The following GSAP variants were observed in gnomAD, a reference collection of about 807,000 sequenced individuals.
GSAP encodes gamma-secretase activating protein.
In GSAP, 118 loss-of-function variants were observed where a neutral mutation model predicts 131.7. The ratio of observed to expected loss-of-function variants is 0.90; its 90% CI spans 0.77 to 1.04. The LOEUF (loss-of-function observed/expected upper bound fraction) is 1.04. Ranked by LOEUF, GSAP falls within the 50% of genes least tolerant of loss-of-function variation. The pLI is 0.00. For synonymous variants in GSAP, 381 were observed against 363.4 expected, an observed-to-expected ratio of 1.05 and a Z score of -0.55; for missense variants, 1,019 against 1,013.2, an observed-to-expected ratio of 1.01 and a Z score of -0.08.
intron 14 of GSAP, 139 bp from the exon 15 acceptor site, chr7:77,355,786 CGTT>C: frequency 3.3e-6 from 1 of 305,328 alleles, no homozygotes; most frequent in Non-Finnish European, 5.4e-6. Context: ...AATGACAGCC[CGTT>C]TTTTTTTTTT....
chr7:77,380,001 C>T, intron 8 of GSAP: 2 of 670,006 alleles, frequency 3.0e-6, no homozygotes, highest in Non-Finnish European at 3.7e-6. Flanking sequence ...TTGATGCAGA[C>T]TAAATATTGA....
chr7:77,374,130 G>A lies in GSAP; in HGVS notation c.811C>T (p.His271Tyr), dbSNP rs765002598. Residue 271 changes from histidine (H) to tyrosine (Y), a missense_variant, in exon 12 of 31, where the codon CAT becomes TAT. Coordinates refer to ENST00000257626, the MANE Select transcript of GSAP (RefSeq NM_017439.4). Reference protein sequence around the residue: ...FKLVNFGCDYHQYRDKFSKHL... With the variant: ...FKLVNFGCDYYQYRDKFSKHL... ...TTGGAAAATTTATCTCGGTATTGAT[G>A]ATAATCACATCCAAAGTTGACAAGT... 6.3e-7 allele frequency: 1 copy of A among 1,585,904 alleles called. No homozygotes were observed. The highest frequency in any genetic ancestry group is 8.6e-7 in the Non-Finnish European group (1 of 1,158,268).
intron 3 of GSAP, among the ~76,000 whole-genome samples, chr7:77,400,958 A>C (rs942672278): frequency 6.3e-4 from 95 of 150,918 alleles, no homozygotes; most frequent in Non-Finnish European, 1.2e-3. Flanking sequence ...TTTTTTTAAC[A>C]AAACCTCCAT....
At chr7:77,328,576 C>G (rs1477150009) in intron 22 of GSAP, 30 bp downstream of exon 22, 1 of 1,602,562 alleles carries the variant, frequency 6.2e-7, no homozygotes, top group Non-Finnish European at 8.5e-7. Context: ...GACTGGAACC[C>G]AGAAGGCTTT....
intron 5 of GSAP, among the ~76,000 whole-genome samples, chr7:77,389,552 G>A (rs1006629093): frequency 5.3e-5 from 8 of 151,128 alleles, no homozygotes; most frequent in Admixed American, 3.3e-4. Context: ...TTTGTCCTTG[G>A]GATAGTTTGC....
chr7:77,416,401 C>T, upstream of GSAP: 1 of 660,110 alleles, frequency 1.5e-6, no homozygotes, highest in Non-Finnish European at 2.4e-6. Context: ...CTCGCCCTCG[C>T]GTCCCCGCTC....
intron 12 of GSAP, among the ~76,000 whole-genome samples, chr7:77,371,431 CT>C (rs71085450): frequency 0.1 from 14,460 of 141,702 alleles, 830 homozygotes; most frequent in African/African-American, 0.16. Context: ...CATCTTTTTT[CT>C]TTTTTTTTTT....
Position 77,349,346 on chromosome 7 carries a change from C to G in GSAP, c.1545+5G>C. On this transcript the variant is annotated splice_donor_5th_base_variant and intron_variant, in intron 19 of 30. Coordinates refer to ENST00000257626, the MANE Select transcript of GSAP (RefSeq NM_017439.4). ...TACTTTTGTTTCTTGCTGTAAGGGA[C>G]CTACCTTCATAAGAGGCAATGCAAT... 6.2e-7 allele frequency: 1 copy of G among 1,604,164 alleles called. No individual in the cohort carries two copies. The highest frequency in any genetic ancestry group is 8.5e-7 in the Non-Finnish European group (1 of 1,171,162).
chr7:77,384,244 T>G (rs1371460014), intron 6 of GSAP, among the ~76,000 whole-genome samples: 1 of 152,226 alleles, frequency 6.6e-6, no homozygotes, highest in Non-Finnish European at 1.5e-5. Context: ...CATGCCTGCT[T>G]AGGAATGTGA....
chr7:77,348,059 C>T (rs2150815308), intron 19 of GSAP, among the ~76,000 whole-genome samples: 1 of 151,688 alleles, frequency 6.6e-6, no homozygotes, highest in South Asian at 2.1e-4. Flanking sequence ...GTACCAACCA[C>T]TCAGGAGGCT....
intron 3 of GSAP, among the ~76,000 whole-genome samples, chr7:77,399,654 C>T (rs1800994489): frequency 6.6e-6 from 1 of 150,442 alleles, no homozygotes; most frequent in Admixed American, 6.7e-5. Flanking sequence ...TAATACACTG[C>T]TTCCCATTTG....
intron 22 of GSAP, chr7:77,327,101 T>C (rs1212229071): frequency 6.6e-6 from 1 of 152,152 alleles, no homozygotes; most frequent in Non-Finnish European, 1.5e-5. Context: ...AACATGTGAA[T>C]CCAACAGCCC....
chr7:77,319,571 A>G (rs1787351539), intron 26 of GSAP, among the ~76,000 whole-genome samples: 1 of 152,256 alleles, frequency 6.6e-6, no homozygotes, highest in African/African-American at 2.4e-5. Flanking sequence ...AACTGAAATC[A>G]GGATCTTGAA....
chr7:77,321,304 CATG>C (rs1787612608), intron 25 of GSAP, 26 bp downstream of exon 25: 1 of 1,388,770 alleles, frequency 7.2e-7, no homozygotes, highest in Non-Finnish European at 1.0e-6. Flanking sequence ...CTTTGTACAC[CATG>C]ATAAAAGTGA....
intron 17 of GSAP, 151 bp from the exon 18 acceptor site, chr7:77,353,177 C>CGG: frequency 5.0e-6 from 3 of 596,124 alleles, no homozygotes; most frequent in Non-Finnish European, 6.0e-6. Context: ...ATTTTATCTA[C>CGG]TGACTAAAAT....
intron 19 of GSAP, chr7:77,330,662 T>C (rs1335620943): frequency 1.9e-5 from 20 of 1,027,038 alleles, no homozygotes; most frequent in African/African-American, 3.5e-5. Context: ...CTTCCCCAGA[T>C]TGAGGCTTAG....
chr7:77,397,982 AT>A (rs917166075), intron 3 of GSAP, among the ~76,000 whole-genome samples: 9 of 151,866 alleles, frequency 5.9e-5, no homozygotes, highest in Admixed American at 6.6e-5. Context: ...GACTTCTTTA[AT>A]TTTTTTTCCT....
At chr7:77,396,546 T>A (rs768714077) in intron 5 of GSAP, among the ~76,000 whole-genome samples, 1 of 152,176 alleles carries the variant, frequency 6.6e-6, no homozygotes, top group Non-Finnish European at 1.5e-5. Context: ...GAGCATCACA[T>A]AGCTACAAAA....
chr7:77,322,497 C>T (rs1191915336), intron 24 of GSAP, among the ~76,000 whole-genome samples: 1 of 151,768 alleles, frequency 6.6e-6, no homozygotes, highest in African/African-American at 2.4e-5. Flanking sequence ...GAATGGAAAC[C>T]CTTCTTAGCA....
Sources: allele counts gnomAD v4.1 joint callset (sites outside exome capture counted in the v4.1 genomes callset), GRCh38; gene constraint gnomAD v4.1.1; transcripts MANE v1.5; gene names NCBI Gene and HGNC (gene_info 2026-07-23, HGNC 2026-07-21).